Variants in MTUS2 observed in about 807,000 individuals in gnomAD.
MTUS2 encodes microtubule-associated tumor suppressor candidate 2.
MTUS2 carries 40 observed loss-of-function variants against 114.1 expected under a neutral mutation model. The observed-to-expected ratio is 0.35, with a 90% CI of 0.27 to 0.46. The LOEUF (loss-of-function observed/expected upper bound fraction) is 0.46, where lower values mean the gene tolerates loss of function less well. MTUS2 is among the 20% of genes least tolerant of loss of function. The probability of loss-of-function intolerance (pLI) is 1.00; values close to 1 mark genes in which losing one functional copy is unlikely to be tolerated. For synonymous variants in MTUS2, 688 were observed against 672.0 expected (o/e 1.02, Z -0.37); for missense variants, 1,679 against 1,705.4 (o/e 0.98, Z 0.27).
chr13:29,281,930 T>G, intron 6 of MTUS2, 65 bp downstream of exon 6: 1 of 1,489,766 alleles, frequency 6.7e-7, no homozygotes, highest in Non-Finnish European at 9.0e-7. Flanking sequence ...TAAAAAGTCT[T>G]TTGAAAGCCC....
intron 8 of MTUS2, among the ~76,000 whole-genome samples, chr13:29,426,518 C>A (rs1876542439): frequency 6.6e-6 from 1 of 152,180 alleles, no homozygotes; most frequent in Non-Finnish European, 1.5e-5. Flanking sequence ...TGTATTCATT[C>A]AACAATTCCC....
chr13:29,268,792 C>T (rs949883961), intron 5 of MTUS2, among the ~76,000 whole-genome samples: 3 of 152,140 alleles, frequency 2.0e-5, no homozygotes, highest in South Asian at 4.1e-4. Context: ...TCCAGTTGTG[C>T]GATCATAGCT....
chr13:28,928,389 A>T (rs962207417), intron 2 of MTUS2, among the ~76,000 whole-genome samples: 4 of 152,218 alleles, frequency 2.6e-5, no homozygotes, highest in African/African-American at 9.6e-5. Context: ...ATATATAAGG[A>T]ACTCAGACAA....
At chr13:29,246,362 G>A (rs1342452762) in intron 5 of MTUS2, among the ~76,000 whole-genome samples, 1 of 152,322 alleles carries the variant, frequency 6.6e-6, no homozygotes, top group South Asian at 2.1e-4. Flanking sequence ...GTTTCCTTAG[G>A]ATAGTCCCCA....
At chr13:29,489,521 G>T (rs1026656997) in intron 11 of MTUS2, 2 of 152,178 alleles carry the variant, frequency 1.3e-5, no homozygotes, top group Admixed American at 6.5e-5. Flanking sequence ...GGATTGCCTC[G>T]GTCCTGGTAG....
intron 1 of MTUS2, among the ~76,000 whole-genome samples, chr13:28,826,297 A>T (rs2137931920): frequency 6.6e-6 from 1 of 152,356 alleles, no homozygotes; most frequent in Non-Finnish European, 1.5e-5. Context: ...GAATAGATAA[A>T]AAATGATTAC....
At chr13:29,332,689 C>G (rs1277945955) in intron 7 of MTUS2, among the ~76,000 whole-genome samples, 1 of 146,194 alleles carries the variant, frequency 6.8e-6, no homozygotes, top group Non-Finnish European at 1.5e-5. Context: ...GGCTGGAGTG[C>G]AGTGGCGCGA....
chr13:29,442,008 C>G (rs965442887), intron 9 of MTUS2, among the ~76,000 whole-genome samples: 1 of 152,188 alleles, frequency 6.6e-6, no homozygotes, highest in Admixed American at 6.5e-5. Context: ...TCCTCCTGAG[C>G]GAAGCTGCCA....
intron 2 of MTUS2, among the ~76,000 whole-genome samples, chr13:28,844,225 T>C (rs1875707050): frequency 6.6e-6 from 1 of 152,180 alleles, no homozygotes; most frequent in African/African-American, 2.4e-5. Context: ...AGATCATTTA[T>C]AGTTCTTTTG....
At chr13:29,394,540 A>G (rs1162493525) in intron 8 of MTUS2, among the ~76,000 whole-genome samples, 1 of 152,340 alleles carries the variant, frequency 6.6e-6, no homozygotes, top group Middle Eastern at 3.4e-3. Flanking sequence ...GAGAGAATAC[A>G]TGGTAAATGT....
At chr13:29,378,439 C>T (rs7988687) in intron 8 of MTUS2, among the ~76,000 whole-genome samples, 73,695 of 151,706 alleles carry the variant, frequency 0.49, 19,793 homozygotes, top group East Asian at 0.66. Flanking sequence ...GTGTCTGTAG[C>T]GGGCTAGTTT....
chr13:29,291,021 C>T (rs1278843071), intron 6 of MTUS2, among the ~76,000 whole-genome samples: 1 of 152,194 alleles, frequency 6.6e-6, no homozygotes, highest in Non-Finnish European at 1.5e-5. Flanking sequence ...AGCAACAAGA[C>T]AACCAGATAT....
intron 4 of MTUS2, among the ~76,000 whole-genome samples, chr13:29,055,686 A>C (rs867631973): frequency 1.3e-5 from 2 of 151,894 alleles, no homozygotes; most frequent in Non-Finnish European, 2.9e-5. Flanking sequence ...TTCCATATGT[A>C]TTCCCTTTTC....
intron 9 of MTUS2, among the ~76,000 whole-genome samples, chr13:29,479,334 A>G (rs748041105): frequency 2.0e-5 from 3 of 152,154 alleles, no homozygotes; most frequent in Non-Finnish European, 2.9e-5. Context: ...TGTGCAGCTC[A>G]GGGAGAGGTC....
At chr13:28,985,605 G>C (rs1365761560) in intron 2 of MTUS2, among the ~76,000 whole-genome samples, 1 of 147,542 alleles carries the variant, frequency 6.8e-6, no homozygotes, top group Non-Finnish European at 1.5e-5. Context: ...TTTTTCTCTG[G>C]TTTTAATTCA....
intron 6 of MTUS2, among the ~76,000 whole-genome samples, chr13:29,312,108 C>G (rs1899794697): frequency 6.6e-6 from 1 of 152,214 alleles, no homozygotes; most frequent in South Asian, 2.1e-4. Context: ...TCGCATACTT[C>G]ATGTCTCAGC....
At chr13:29,021,754 T>G (rs1237993867) in intron 2 of MTUS2, among the ~76,000 whole-genome samples, 1 of 152,254 alleles carries the variant, frequency 6.6e-6, no homozygotes, top group African/African-American at 2.4e-5. Context: ...CTTTTTGTAT[T>G]TGTGCTTAGA....
rs1381538411 is a variant in MTUS2 at position 28,997,791 on chromosome 13, C to T, written c.-242-26666C>T. Among the ~76,000 whole-genome samples, 6 of 151,934 alleles carry T rather than the reference C, an allele frequency of 3.9e-5. No homozygotes were observed. In the East Asian group the frequency reaches 5.8e-4, roughly 15 times the overall value. ...TTTTGAGCCTATGTGTGTCTCTGCA[C>T]GTGAGATGGGTTTCCTGAATACAGC... On this transcript the variant is annotated intron_variant, in intron 2 of 15. Transcript: ENST00000612955.
intron 7 of MTUS2, 118 bp downstream of exon 7, chr13:29,324,829 C>T (rs1900413505): frequency 9.4e-6 from 7 of 746,736 alleles, no homozygotes. Context: ...TGTTCCAGAG[C>T]TTGACATACA....
Sources: gnomAD v4.1 joint callset for allele counts (sites outside exome capture counted in the v4.1 genomes callset) on GRCh38, gnomAD v4.1.1 for gene constraint, MANE v1.5 for transcripts, NCBI Gene and HGNC (gene_info 2026-07-23, HGNC 2026-07-21) for gene names.